The following PPFIA1 variants were observed in gnomAD, a reference collection of about 807,000 sequenced individuals.
PPFIA1 encodes liprin-alpha-1.
In PPFIA1, 25 loss-of-function variants were observed where a neutral mutation model predicts 149.9. The ratio of observed to expected loss-of-function variants is 0.17; its 90% CI spans 0.12 to 0.23. The LOEUF (loss-of-function observed/expected upper bound fraction) is 0.23, where lower values mean the gene tolerates loss of function less well. Ranked by LOEUF, PPFIA1 falls within the 10% of genes least tolerant of loss-of-function variation. The pLI, the probability that PPFIA1 is intolerant of heterozygous loss-of-function variation, is 1.00. For synonymous variants in PPFIA1, 549 were observed against 552.8 expected (o/e 0.99, Z 0.10); for missense variants, 1,362 against 1,506.5 (o/e 0.90, Z 1.59).
At chr11:70,323,389 C>T (rs1361591012) in intron 2 of PPFIA1, among the ~76,000 whole-genome samples, 9 of 152,196 alleles carry the variant, frequency 5.9e-5, no homozygotes, top group Non-Finnish European at 1.5e-5. Flanking sequence ...GTATTCTCAG[C>T]CTGCCACACT....
chr11:70,347,332 A>G (rs765790364), intron 15 of PPFIA1, among the ~76,000 whole-genome samples: 1 of 152,204 alleles, frequency 6.6e-6, no homozygotes. Flanking sequence ...AGTAAAATCA[A>G]ATGTTAATGA....
intron 2 of PPFIA1, chr11:70,282,504 C>T (rs1455358861): frequency 1.4e-5 from 2 of 140,744 alleles, no homozygotes; most frequent in African/African-American, 5.4e-5. Flanking sequence ...TGTATGTTTC[C>T]TTTTTGAGTG....
intron 15 of PPFIA1, among the ~76,000 whole-genome samples, chr11:70,346,239 G>T (rs1022700693): frequency 1.3e-5 from 2 of 152,160 alleles, no homozygotes; most frequent in African/African-American, 2.4e-5. Context: ...CTGACGTGCT[G>T]CTTGGCTAGC....
intron 25 of PPFIA1, 44 bp downstream of exon 25, chr11:70,376,644 T>A: frequency 2.1e-6 from 3 of 1,402,028 alleles, no homozygotes; most frequent in Non-Finnish European, 3.0e-6. Context: ...GAAATGTGTG[T>A]AAATGTTTAA....
rs545606138 is a variant in PPFIA1, at chr11:70,360,019, T to C, written c.2583-2076T>C. On this transcript the variant is annotated intron_variant, in intron 19 of 27. Transcript: ENST00000253925. ...GTGCCAGCCCAGGGGCATGGTCCCA[T>C]GTTTGGTCTTACAGATCATGGACTG... Among the ~76,000 whole-genome samples, 3 of 152,304 alleles carry C rather than the reference T, an allele frequency of 2.0e-5. No individual in the cohort carries two copies. The South Asian group carries it at 6.2e-4, about 32-fold the overall frequency.
chr11:70,299,373 T>C (rs2136320742), intron 2 of PPFIA1, among the ~76,000 whole-genome samples: 1 of 152,322 alleles, frequency 6.6e-6, no homozygotes, highest in South Asian at 2.1e-4. Context: ...CTGACATCTC[T>C]CTGTTTACTA....
chr11:70,350,797 C>T (rs2056010568), intron 16 of PPFIA1, among the ~76,000 whole-genome samples: 1 of 152,068 alleles, frequency 6.6e-6, no homozygotes. Context: ...TATAGTGTTT[C>T]TCTAATAAAC....
chr11:70,342,512 G>A (rs1022694929), intron 14 of PPFIA1, among the ~76,000 whole-genome samples: 1 of 152,186 alleles, frequency 6.6e-6, no homozygotes, highest in African/African-American at 2.4e-5. Context: ...GCACTGAGCT[G>A]CCCATGCCGC....
At chr11:70,315,653 G>T (rs1477135248) in intron 2 of PPFIA1, among the ~76,000 whole-genome samples, 1 of 131,720 alleles carries the variant, frequency 7.6e-6, no homozygotes, top group African/African-American at 2.8e-5. Flanking sequence ...ACAAGACTTT[G>T]CCTTCTGTGA....
chr11:70,271,303 G>A (rs1192740062), intron 1 of PPFIA1: 1 of 152,604 alleles, frequency 6.6e-6, no homozygotes, highest in East Asian at 1.9e-4. Context: ...CAGGCTGGAG[G>A]TCACCATCCC....
chr11:70,333,047 C>CT (rs1361998336), intron 9 of PPFIA1: 1 of 457,944 alleles, frequency 2.2e-6, no homozygotes. Flanking sequence ...TCTGGGAGCT[C>CT]TGCTGCTAAG....
chr11:70,295,882 A>C (rs1236150186), intron 2 of PPFIA1, among the ~76,000 whole-genome samples: 1 of 147,690 alleles, frequency 6.8e-6, no homozygotes, highest in East Asian at 2.1e-4. Context: ...CTCACTTCTC[A>C]GACGGGGCGG....
intron 7 of PPFIA1, 152 bp from the exon 8 acceptor site, chr11:70,330,019 TTA>T: frequency 1.6e-6 from 1 of 625,224 alleles, no homozygotes; most frequent in East Asian, 3.2e-5. Context: ...AGTGCTGTGA[TTA>T]TAGGAGTGAG....
intron 16 of PPFIA1, among the ~76,000 whole-genome samples, chr11:70,349,157 A>T (rs1359078353): frequency 6.7e-6 from 1 of 148,448 alleles, no homozygotes; most frequent in South Asian, 2.1e-4. Flanking sequence ...AAAAAAAAAA[A>T]GGAAAAACAT....
chr11:70,331,962 T>G lies in PPFIA1; in HGVS notation c.1080T>G (p.Thr360=). The G allele has an allele frequency of 6.2e-7, 1 of 1,607,962 alleles. No individual in the cohort carries two copies. Among genetic ancestry groups the G allele is most frequent in the Non-Finnish European group, 8.5e-7 (1 of 1,178,256 alleles). ...GATGCTTTGCTCTCATTTTATAGAC[T>G]GAAGATAAAAACCGCCAGTTACAGG... is the stretch of plus-strand genomic sequence containing the variant. ...IANKDSMHRQ[T]EDKNRQLQER... is the part of the protein sequence containing the mutation. Residue 360 remains threonine (T), a splice_region_variant and synonymous_variant, in exon 9 of 28, where the codon ACT becomes ACG. Transcript: ENST00000253925.
intron 23 of PPFIA1, chr11:70,373,665 G>A (rs969369262): frequency 1.3e-5 from 2 of 152,232 alleles, no homozygotes; most frequent in African/African-American, 2.4e-5. Flanking sequence ...TAGGTGCCAG[G>A]TGGTGTTCTA....
intron 2 of PPFIA1, among the ~76,000 whole-genome samples, chr11:70,322,784 A>G (rs1201817363): frequency 6.6e-6 from 1 of 152,198 alleles, no homozygotes; most frequent in Non-Finnish European, 1.5e-5. Flanking sequence ...TAAGCAGTTC[A>G]GTGAATGCTA....
chr11:70,373,693 T>C (rs2057368302), intron 23 of PPFIA1: 1 of 152,204 alleles, frequency 6.6e-6, no homozygotes, highest in African/African-American at 2.4e-5. Flanking sequence ...AGGGGTTGCT[T>C]TCTTTCATCT....
At chr11:70,326,158 G>A in intron 5 of PPFIA1, 104 bp from the exon 6 acceptor site, 1 of 669,242 alleles carries the variant, frequency 1.5e-6, no homozygotes, top group Non-Finnish European at 2.6e-6. Context: ...TTTATACTAT[G>A]TTAAGCAGTT....
Sources: allele counts gnomAD v4.1 joint callset (sites outside exome capture counted in the v4.1 genomes callset), GRCh38; gene constraint gnomAD v4.1.1; transcripts MANE v1.5; gene names NCBI Gene and HGNC (gene_info 2026-07-23, HGNC 2026-07-21).